Variants in DCAKD observed in about 807,000 individuals in gnomAD.
The protein encoded by DCAKD is dephospho-CoA kinase domain-containing protein.
Under a neutral mutation model 18.7 loss-of-function variants are expected in DCAKD, and 15 were observed. The observed-to-expected ratio is 0.80, with a 90% CI of 0.54 to 1.24. DCAKD has a LOEUF of 1.24. Ranked by LOEUF, DCAKD falls within the 50% of genes most tolerant of loss-of-function variation. DCAKD has a pLI of 0.00. For synonymous variants in DCAKD, 130 were observed against 133.0 expected (o/e 0.98, Z 0.16); for missense variants, 301 against 322.0 (o/e 0.93, Z 0.50).
intron 4 of DCAKD, among the ~76,000 whole-genome samples, chr17:45,029,055 T>C (rs1482492719): frequency 6.6e-6 from 1 of 152,212 alleles, no homozygotes; most frequent in Non-Finnish European, 1.5e-5. Context: ...AAAGCTCCAA[T>C]CGTGCTACTA....
chr17:45,034,394 T>G lies in DCAKD; in HGVS notation c.113-4A>C, dbSNP rs750212915. 1.2e-6 allele frequency: 2 copies of G among 1,613,312 alleles called. No individual in the cohort carries two copies. Among genetic ancestry groups the G allele is most frequent in the African/African-American group, 2.7e-5 (2 of 74,892 alleles). ...GCAGGGTATCCTGGCTGCACGACTG[T>G]GGCAGGAGGAAGAAGCTGGGTCACT... On this transcript the variant is annotated splice_polypyrimidine_tract_variant and splice_region_variant and intron_variant, in intron 2 of 4. Coordinates refer to ENST00000651974, the MANE Select transcript of DCAKD (RefSeq NM_001288655.2).
intron 1 of DCAKD, among the ~76,000 whole-genome samples, chr17:45,058,628 G>A (rs998689552): frequency 6.6e-6 from 1 of 151,096 alleles, no homozygotes; most frequent in Non-Finnish European, 1.5e-5. Flanking sequence ...CGCCACGTTG[G>A]CCAGGCTGGT....
At chr17:45,036,112 G>A (rs2053291519) in intron 1 of DCAKD, among the ~76,000 whole-genome samples, 1 of 152,192 alleles carries the variant, frequency 6.6e-6, no homozygotes, top group African/African-American at 2.4e-5. Flanking sequence ...AAAGGTTGGG[G>A]CATGGCTTCT....
upstream of DCAKD, among the ~76,000 whole-genome samples, chr17:45,053,169 TA>T (rs760029893): frequency 0.16 from 12,197 of 75,686 alleles, 906 homozygotes; most frequent in East Asian, 0.3. Flanking sequence ...TGTCTCCAGT[TA>T]AAAAAAAAAA....
intron 3 of DCAKD, among the ~76,000 whole-genome samples, chr17:45,032,676 G>T (rs1478259763): frequency 6.6e-6 from 1 of 152,000 alleles, no homozygotes; most frequent in Non-Finnish European, 1.5e-5. Flanking sequence ...CCAGCTACTC[G>T]GGAGGCTGAG....
chr17:45,024,570 G>A lies in DCAKD; in HGVS notation c.559C>T (p.Arg187Cys), dbSNP rs138288180. 451 of 1,614,194 alleles carry A rather than the reference G, an allele frequency of 2.8e-4. 3 individuals carry two copies. In the African/African-American group the frequency reaches 4.5e-3, roughly 16 times the overall value. ...TCAGTGTGCAAGAGGATGACCTGGCGTTTGGTGACACTCCACTCGCCCGAG... is the reference window on the plus strand; with the variant it reads ...TCAGTGTGCAAGAGGATGACCTGGCATTTGGTGACACTCCACTCGCCCGAG... ...DNSGEWSVTK[R>C]QVILLHTELE... Residue 187 changes from arginine (R) to cysteine (C), a missense_variant, in exon 5 of 5, where the codon CGC becomes TGC. Transcript: ENST00000651974.
intron 4 of DCAKD, among the ~76,000 whole-genome samples, chr17:45,025,132 T>C (rs1367807773): frequency 6.6e-6 from 1 of 151,588 alleles, no homozygotes; most frequent in African/African-American, 2.4e-5. Flanking sequence ...GATCCCTGGA[T>C]GGGTGACCTT....
intron 3 of DCAKD, among the ~76,000 whole-genome samples, chr17:45,033,618 C>G (rs757515522): frequency 6.6e-6 from 1 of 152,186 alleles, no homozygotes; most frequent in African/African-American, 2.4e-5. Flanking sequence ...GTGCACACCA[C>G]CATGCCCAGC....
chr17:45,045,829 T>A (rs939868080), intron 1 of DCAKD, among the ~76,000 whole-genome samples: 1 of 152,104 alleles, frequency 6.6e-6, no homozygotes, highest in African/African-American at 2.4e-5. Context: ...ATTAACTTTT[T>A]TTGTTTTTGT....
upstream of DCAKD, chr17:45,051,701 G>A (rs1397217637): frequency 8.9e-6 from 1 of 112,192 alleles, no homozygotes; most frequent in Admixed American, 9.0e-5. Flanking sequence ...GAGGTTGGAC[G>A]GGCGGGGCCG....
upstream of DCAKD, among the ~76,000 whole-genome samples, chr17:45,055,175 C>G (rs956688036): frequency 2.0e-5 from 3 of 152,124 alleles, no homozygotes; most frequent in Non-Finnish European, 4.4e-5. Flanking sequence ...AAACTTTGAG[C>G]TGGCTGTAGC....
upstream of DCAKD, among the ~76,000 whole-genome samples, chr17:45,053,897 CCCTT>C (rs2053753215): frequency 6.6e-6 from 1 of 152,206 alleles, no homozygotes; most frequent in Non-Finnish European, 1.5e-5. Flanking sequence ...TACCCTGTCT[CCCTT>C]CCCTTTCCTT....
intron 1 of DCAKD, among the ~76,000 whole-genome samples, chr17:45,037,763 A>G (rs1174986738): frequency 8.2e-6 from 1 of 121,762 alleles, no homozygotes; most frequent in African/African-American, 3.1e-5. Context: ...CCAAGCTTCA[A>G]GAGCTTTTTT....
chr17:45,054,724 CTG>C (rs1443095091), upstream of DCAKD, among the ~76,000 whole-genome samples: 2 of 152,138 alleles, frequency 1.3e-5, no homozygotes, highest in African/African-American at 4.8e-5. Context: ...TAACCTAATC[CTG>C]TGGTTCTCAC....
chr17:45,052,712 AAAC>A (rs1200342050), upstream of DCAKD, among the ~76,000 whole-genome samples: 1 of 151,856 alleles, frequency 6.6e-6, no homozygotes, highest in Admixed American at 6.6e-5. Context: ...AAAAAACAAA[AAAC>A]AAACTAGCCA....
intron 1 of DCAKD, among the ~76,000 whole-genome samples, chr17:45,045,752 T>C (rs940876627): frequency 6.8e-6 from 1 of 147,868 alleles, no homozygotes; most frequent in African/African-American, 2.5e-5. Context: ...AAAAAAAAGA[T>C]ACTTGTTGAA....
chr17:45,044,134 A>G (rs4792967), intron 1 of DCAKD, among the ~76,000 whole-genome samples: 100,167 of 152,006 alleles, frequency 0.66, 33,693 homozygotes, highest in African/African-American at 0.78. Context: ...CATCTCAGTG[A>G]GTACAAGCCA....
rs1036675643 is a variant in DCAKD at position 45,032,128 on chromosome 17, T to A, written c.317-1949A>T. 1.3e-5 allele frequency: 13 copies of A among 985,192 alleles called. No individual in the cohort carries two copies. The African/African-American group carries it at 1.9e-4, about 15-fold the overall frequency. The allele number at this position is 985,192 out of a possible 1,614,324, so 61.0% of individuals were successfully genotyped here. ...CCTGCAGATATACCAGTAACTGGCA[T>A]GGGAGAGAATGCAGAAAGGGCAGGA... On this transcript the variant is annotated intron_variant, in intron 3 of 4. Coordinates refer to ENST00000651974, the MANE Select transcript of DCAKD (RefSeq NM_001288655.2).
intron 1 of DCAKD, among the ~76,000 whole-genome samples, chr17:45,044,832 G>A (rs553568696): frequency 5.2e-4 from 79 of 152,372 alleles, no homozygotes; most frequent in African/African-American, 1.7e-3. Context: ...CTAATCGCCA[G>A]GGTGATCAGT....
Sources: gnomAD v4.1 joint callset for allele counts (sites outside exome capture counted in the v4.1 genomes callset) on GRCh38, gnomAD v4.1.1 for gene constraint, MANE v1.5 for transcripts, NCBI Gene and HGNC (gene_info 2026-07-23, HGNC 2026-07-21) for gene names.